RPS6KC1: variants seen among roughly 807,000 people sequenced by gnomAD.
RPS6KC1 encodes the protein ribosomal protein S6 kinase C1, also known as inactive ribosomal protein S6 kinase delta-1.
Under a neutral mutation model 103.8 loss-of-function variants are expected in RPS6KC1, and 54 were observed. The ratio of observed to expected loss-of-function variants is 0.52; its 90% confidence interval spans 0.42 to 0.65. The LOEUF (loss-of-function observed/expected upper bound fraction) is 0.65. Among genes scored for constraint, RPS6KC1 ranks in the 30% least tolerant of loss-of-function variants. The probability of loss-of-function intolerance (pLI) is 0.00; values close to 1 mark genes in which losing one functional copy is unlikely to be tolerated. For missense variants in RPS6KC1, 1,151 were observed against 1,253.8 expected (o/e 0.92, Z 1.24); for synonymous variants, 439 against 438.7 (o/e 1.00, Z -0.01).
At chr1:213,210,420 A>G (rs1365029410) in intron 8 of RPS6KC1, among the ~76,000 whole-genome samples, 1 of 152,220 alleles carries the variant, frequency 6.6e-6, no homozygotes, top group African/African-American at 2.4e-5. Context: ...AAAATATATT[A>G]CACTTGAAGC....
the RPS6KC1 span, among the ~76,000 whole-genome samples, chr1:213,385,335 A>G: frequency 1.3e-5 from 2 of 152,150 alleles, no homozygotes; most frequent in East Asian, 3.9e-4. Context: ...CCCATTCTAC[A>G]GGTGAGGAAA....
At chr1:213,159,605 G>C (rs998942098) in intron 6 of RPS6KC1, among the ~76,000 whole-genome samples, 5 of 152,100 alleles carry the variant, frequency 3.3e-5, no homozygotes, top group Non-Finnish European at 4.4e-5. Flanking sequence ...TTTATGTATT[G>C]TTGTATGAAC....
chr1:213,475,179 G>A, the RPS6KC1 span, among the ~76,000 whole-genome samples: 2 of 152,166 alleles, frequency 1.3e-5, no homozygotes, highest in African/African-American at 2.4e-5. Context: ...TTCTTACCCC[G>A]GCACTGTGGG....
chr1:213,117,148 A>G (rs1032827026), intron 4 of RPS6KC1, among the ~76,000 whole-genome samples, 169 bp from the exon 5 acceptor site: 4 of 152,126 alleles, frequency 2.6e-5, no homozygotes, highest in Non-Finnish European at 5.9e-5. Flanking sequence ...GTTACAGTCG[A>G]TGAGATATAC....
the RPS6KC1 span, among the ~76,000 whole-genome samples, chr1:213,298,188 T>C: frequency 6.6e-6 from 1 of 152,250 alleles, no homozygotes; most frequent in East Asian, 1.9e-4. Context: ...CTTCGTCTTC[T>C]ACGTTCTAGC....
chr1:213,515,617 G>A, the RPS6KC1 span, among the ~76,000 whole-genome samples: 1 of 152,178 alleles, frequency 6.6e-6, no homozygotes, highest in Non-Finnish European at 1.5e-5. Flanking sequence ...GTACCATGCT[G>A]TTTTGGTTAC....
At chr1:213,579,864 G>T in the RPS6KC1 span, among the ~76,000 whole-genome samples, 2 of 152,044 alleles carry the variant, frequency 1.3e-5, no homozygotes, top group Non-Finnish European at 2.9e-5. Context: ...AATTACTGCT[G>T]AGAATAAAAG....
chr1:213,796,881 A>G, the RPS6KC1 span, among the ~76,000 whole-genome samples: 144 of 152,352 alleles, frequency 9.5e-4, no homozygotes, highest in African/African-American at 3.3e-3. Context: ...CTGTATCTTT[A>G]AACGTCTCCC....
At chr1:213,823,830 C>G in the RPS6KC1 span, among the ~76,000 whole-genome samples, 1 of 151,732 alleles carries the variant, frequency 6.6e-6, no homozygotes, top group African/African-American at 2.4e-5. Context: ...AAGCACTGTT[C>G]TAAACTTTTT....
the RPS6KC1 span, among the ~76,000 whole-genome samples, chr1:213,424,757 G>A: frequency 6.6e-6 from 1 of 152,242 alleles, no homozygotes; most frequent in African/African-American, 2.4e-5. Flanking sequence ...AATAAACCAA[G>A]TCCTTTTGTA....
At chr1:213,216,909 A>G (rs1430886725) in intron 8 of RPS6KC1, among the ~76,000 whole-genome samples, 2 of 152,122 alleles carry the variant, frequency 1.3e-5, no homozygotes, top group Non-Finnish European at 2.9e-5. Context: ...AATGCCCACA[A>G]GAGAAAGCAG....
chr1:213,596,043 T>C, the RPS6KC1 span, among the ~76,000 whole-genome samples: 2 of 152,138 alleles, frequency 1.3e-5, no homozygotes, highest in South Asian at 2.1e-4. Flanking sequence ...GGAAAAATAA[T>C]TGTAGAATGT....
At chr1:213,695,045 C>A in the RPS6KC1 span, among the ~76,000 whole-genome samples, 2 of 152,136 alleles carry the variant, frequency 1.3e-5, no homozygotes, top group Non-Finnish European at 2.9e-5. Context: ...GTTGAATCCT[C>A]TCCCTCACGG....
At chr1:213,487,468 T>C in the RPS6KC1 span, among the ~76,000 whole-genome samples, 2 of 151,522 alleles carry the variant, frequency 1.3e-5, no homozygotes, top group Non-Finnish European at 2.9e-5. Flanking sequence ...TGCCTTCCAA[T>C]CCATTCTTAA....
intron 1 of RPS6KC1, among the ~76,000 whole-genome samples, chr1:213,066,575 A>G (rs2078350044): frequency 6.6e-6 from 1 of 152,244 alleles, no homozygotes; most frequent in African/African-American, 2.4e-5. Context: ...GGTTCCGTCT[A>G]GGTCCTGCTG....
the RPS6KC1 span, among the ~76,000 whole-genome samples, chr1:213,739,864 T>G: frequency 4.6e-3 from 707 of 152,244 alleles, 6 homozygotes; most frequent in African/African-American, 0.015. Flanking sequence ...GTAAGATGTT[T>G]CTTAAGAATA....
the RPS6KC1 span, among the ~76,000 whole-genome samples, chr1:213,387,892 T>C: frequency 1.3e-5 from 2 of 152,380 alleles, no homozygotes; most frequent in Middle Eastern, 3.4e-3. Flanking sequence ...TGTTGCTCCT[T>C]CCTGTGTGCC....
chr1:213,181,990 C>A (rs1238527331), intron 8 of RPS6KC1, among the ~76,000 whole-genome samples: 2 of 152,078 alleles, frequency 1.3e-5, no homozygotes, highest in African/African-American at 4.8e-5. Flanking sequence ...AGCAAAAATT[C>A]TAACACTCTC....
intron 3 of RPS6KC1, among the ~76,000 whole-genome samples, chr1:213,085,142 A>G (rs1012589160): frequency 2.0e-5 from 3 of 152,166 alleles, no homozygotes; most frequent in Admixed American, 2.0e-4. Context: ...CAGAGGAGAG[A>G]CACTGTTCCT....
Sources: allele counts gnomAD v4.1 joint callset (sites outside exome capture counted in the v4.1 genomes callset), GRCh38; gene constraint gnomAD v4.1.1; transcripts MANE v1.5; gene names NCBI Gene and HGNC (gene_info 2026-07-23, HGNC 2026-07-21).